PGBD2: variants seen among roughly 807,000 people sequenced by gnomAD.
PGBD2 encodes the protein piggyBac transposable element derived 2, also known as piggyBac transposable element-derived protein 2.
A neutral mutation model predicts 8.1 loss-of-function variants in PGBD2; 6 were observed. That is an observed-to-expected ratio of 0.74 (90% CI 0.40 to 1.46). PGBD2 has a LOEUF of 1.46. PGBD2 is among the 40% of genes most tolerant of loss of function. The pLI is 0.02. For synonymous variants in PGBD2, 318 were observed against 272.2 expected (o/e 1.17, Z -1.66); for missense variants, 802 against 739.0 (o/e 1.09, Z -0.99).
At chr1:248,891,223 G>A in the PGBD2 span, among the ~76,000 whole-genome samples, 1 of 152,102 alleles carries the variant, frequency 6.6e-6, no homozygotes, top group East Asian at 1.9e-4. Context: ...CTACATTAAT[G>A]GTTCTCTCAA....
Position 248,918,496 on chromosome 1 carries a change from C to T in PGBD2, c.*133C>T, listed in dbSNP as rs1471819782. On this transcript the variant is annotated 3_prime_UTR_variant, in exon 3 of 3. Coordinates refer to ENST00000329291, the MANE Select transcript of PGBD2 (RefSeq NM_170725.3). ...GACTTGATTTTCTATTTTCTCCCTA[C>T]CCACAATACAGTTATCTTTTTTATT... is the stretch of plus-strand genomic sequence containing the variant. The T allele has an allele frequency of 6.3e-6, 5 of 799,674 alleles. No individual in the cohort carries two copies. Among genetic ancestry groups the T allele is most frequent in the Middle Eastern group, 2.7e-4 (1 of 3,764 alleles). The allele number at this position is 799,674 out of a possible 1,614,324, so 49.5% of individuals were successfully genotyped here. A position where few individuals can be genotyped will look rare whatever the true frequency, so the allele number is the denominator to read the frequency against.
At chr1:248,929,636 C>T in the PGBD2 span, among the ~76,000 whole-genome samples, 80 of 152,332 alleles carry the variant, frequency 5.3e-4, no homozygotes, top group South Asian at 2.3e-3. Flanking sequence ...TGAGCACACA[C>T]GCCTGCTTGC....
At chr1:248,875,120 A>G in the PGBD2 span, among the ~76,000 whole-genome samples, 1 of 151,664 alleles carries the variant, frequency 6.6e-6, no homozygotes, top group Non-Finnish European at 1.5e-5. Context: ...ACAGGGTGAA[A>G]CCCCGTCTCT....
the PGBD2 span, among the ~76,000 whole-genome samples, chr1:248,878,793 C>T: frequency 1.3e-5 from 2 of 152,154 alleles, no homozygotes; most frequent in Non-Finnish European, 2.9e-5. Context: ...GTACACTGCC[C>T]AATTTTCTAT....
At chr1:248,903,095 T>G (rs923741564), upstream of PGBD2, among the ~76,000 whole-genome samples, 1 of 152,176 alleles carries the variant, frequency 6.6e-6, no homozygotes, top group Non-Finnish European at 1.5e-5. Context: ...ACTTCTGTGC[T>G]CAAATGATCC....
At chr1:248,903,015 T>G (rs927953128), upstream of PGBD2, among the ~76,000 whole-genome samples, 18 of 152,044 alleles carry the variant, frequency 1.2e-4, no homozygotes, top group Non-Finnish European at 2.1e-4. Flanking sequence ...GAACTTAAAA[T>G]AAAAGCTGAA....
At chr1:248,874,945 G>C in the PGBD2 span, among the ~76,000 whole-genome samples, 1 of 150,704 alleles carries the variant, frequency 6.6e-6, no homozygotes, top group African/African-American at 2.5e-5. Flanking sequence ...TAGATAGATA[G>C]ATAGATAGAT....
chr1:248,919,313 C>G (rs1411042961), downstream of PGBD2: 1 of 166,734 alleles, frequency 6.0e-6, no homozygotes, highest in East Asian at 1.9e-4. Flanking sequence ...ATTTTTAGCT[C>G]CCACAAATAA....
At chr1:248,928,587 G>A in the PGBD2 span, among the ~76,000 whole-genome samples, 1 of 152,156 alleles carries the variant, frequency 6.6e-6, no homozygotes, top group African/African-American at 2.4e-5. Flanking sequence ...GTTTCTAGTG[G>A]TTGTGTTCTG....
chr1:248,908,863 T>A (rs1661760479), intron 1 of PGBD2, among the ~76,000 whole-genome samples: 1 of 152,120 alleles, frequency 6.6e-6, no homozygotes, highest in African/African-American at 2.4e-5. Context: ...ATTCCCTGCC[T>A]GCTGAGGGAA....
At position 248,913,724 on chromosome 1, in the gene PGBD2, A is replaced by C. The variant is rs45481701; in HGVS notation, c.-47-92A>C. 4,191 of 744,278 alleles carry C rather than the reference A, an allele frequency of 5.6e-3. 21 individuals carry two copies. The highest frequency in any genetic ancestry group is 8.2e-3 in the Middle Eastern group (32 of 3,902). The allele number at this position is 744,278 out of a possible 1,614,324, so 46.1% of individuals were successfully genotyped here. On this transcript the variant is annotated intron_variant, in intron 1 of 2. Transcript: ENST00000329291. ...TATTAAGGTGGTGAATCTTAAGTCA[A>C]ATATATTTTTCCCTTAAATGGTAGA...
intron 2 of PGBD2, chr1:248,914,524 T>C: frequency 7.8e-7 from 1 of 1,289,178 alleles, no homozygotes; most frequent in Non-Finnish European, 1.0e-6. Flanking sequence ...TGGAGTGAAT[T>C]TCTAATGCAG....
At chr1:248,882,169 G>C in the PGBD2 span, among the ~76,000 whole-genome samples, 12 of 152,232 alleles carry the variant, frequency 7.9e-5, no homozygotes, top group South Asian at 2.1e-4. Flanking sequence ...GGTCCAGGGG[G>C]GTCACCGCCT....
At chr1:248,904,699 A>C (rs1483985010), upstream of PGBD2, among the ~76,000 whole-genome samples, 1 of 152,136 alleles carries the variant, frequency 6.6e-6, no homozygotes, top group Non-Finnish European at 1.5e-5. Context: ...TCCCCCTTGA[A>C]TTCTGCATGG....
At chr1:248,889,139 C>T in the PGBD2 span, among the ~76,000 whole-genome samples, 1 of 152,118 alleles carries the variant, frequency 6.6e-6, no homozygotes, top group Non-Finnish European at 1.5e-5. Context: ...GTAATCACAG[C>T]ACTTTGAGAG....
At chr1:248,907,970 T>A (rs920915601) in intron 1 of PGBD2, among the ~76,000 whole-genome samples, 1 of 152,208 alleles carries the variant, frequency 6.6e-6, no homozygotes, top group Admixed American at 6.5e-5. Flanking sequence ...GAATAATTTT[T>A]ATCTTGAATT....
At chr1:248,879,095 T>C in the PGBD2 span, among the ~76,000 whole-genome samples, 1 of 152,254 alleles carries the variant, frequency 6.6e-6, no homozygotes, top group Non-Finnish European at 1.5e-5. Context: ...ACAGTGAGTG[T>C]GTGCCTAAAT....
chr1:248,922,581 T>C (rs1348822803), downstream of PGBD2, among the ~76,000 whole-genome samples: 3 of 152,214 alleles, frequency 2.0e-5, no homozygotes, highest in Non-Finnish European at 2.9e-5. Flanking sequence ...CAGTATGATA[T>C]TGGCTATGAG....
the PGBD2 span, among the ~76,000 whole-genome samples, chr1:248,881,701 T>TA: frequency 6.6e-6 from 1 of 152,364 alleles, no homozygotes; most frequent in Admixed American, 6.5e-5. Flanking sequence ...AGACAGGCCA[T>TA]ACTGAACTAT....
Sources: allele counts gnomAD v4.1 joint callset (sites outside exome capture counted in the v4.1 genomes callset), GRCh38; gene constraint gnomAD v4.1.1; transcripts MANE v1.5; gene names NCBI Gene and HGNC (gene_info 2026-07-23, HGNC 2026-07-21).